Variants in KCND3 observed in about 807,000 individuals in gnomAD.
KCND3 encodes potassium voltage-gated channel subfamily D member 3.
Under a neutral mutation model 51.1 loss-of-function variants are expected in KCND3, and 9 were observed. The ratio of observed to expected loss-of-function variants is 0.18; its 90% CI spans 0.11 to 0.31. The LOEUF (loss-of-function observed/expected upper bound fraction) is 0.31. Among genes scored for constraint, KCND3 ranks in the 10% least tolerant of loss-of-function variants. KCND3 has a pLI of 1.00. For synonymous variants in KCND3, 349 were observed against 368.0 expected (o/e 0.95, Z 0.59); for missense variants, 526 against 903.8 (o/e 0.58, Z 5.36).
rs1375366384 is a variant in KCND3, at chr1:111,770,674, T to C, written c.*5403A>G. The C allele has an allele frequency of 1.3e-5, 2 of 152,228 alleles. No homozygotes were observed. Among genetic ancestry groups the C allele is most frequent in the Admixed American group, 1.3e-4 (2 of 15,280 alleles). 9.4% of individuals were successfully genotyped at this position (152,228 alleles called of 1,614,324 possible). A position where few individuals can be genotyped will look rare whatever the true frequency, so the allele number is the denominator to read the frequency against. On this transcript the variant is annotated 3_prime_UTR_variant, in exon 8 of 8. Coordinates refer to ENST00000302127, the MANE Select transcript of KCND3 (RefSeq NM_001378969.1). ...AAAGAAACAGTCATTTTAGGGTTTGTGGCACATAATTTGTTTAATCCAGAT... is the reference window on the plus strand; with the variant it reads ...AAAGAAACAGTCATTTTAGGGTTTGCGGCACATAATTTGTTTAATCCAGAT...
chr1:111,796,383 A>G (rs1300411530), intron 2 of KCND3, among the ~76,000 whole-genome samples: 5 of 148,468 alleles, frequency 3.4e-5, no homozygotes, highest in African/African-American at 1.3e-4. Flanking sequence ...CTAAATGCCT[A>G]TCAATGGTAG....
At chr1:111,978,724 C>T (rs1203897178) in intron 2 of KCND3, among the ~76,000 whole-genome samples, 1 of 152,196 alleles carries the variant, frequency 6.6e-6, no homozygotes, top group African/African-American at 2.4e-5. Flanking sequence ...GAGGGGGCTG[C>T]AGGCTGTGCA....
At chr1:111,810,351 C>G (rs1665792197) in intron 2 of KCND3, among the ~76,000 whole-genome samples, 1 of 152,180 alleles carries the variant, frequency 6.6e-6, no homozygotes, top group African/African-American at 2.4e-5. Context: ...GACCGAATAC[C>G]TTGAGAGGAG....
At chr1:111,900,991 T>G (rs1468447341) in intron 2 of KCND3, among the ~76,000 whole-genome samples, 1 of 152,040 alleles carries the variant, frequency 6.6e-6, no homozygotes, top group Non-Finnish European at 1.5e-5. Flanking sequence ...CAAAAACTGG[T>G]TGAATGAATA....
chr1:111,969,544 C>A (rs1343865920), intron 2 of KCND3, among the ~76,000 whole-genome samples: 1 of 152,144 alleles, frequency 6.6e-6, no homozygotes, highest in African/African-American at 2.4e-5. Flanking sequence ...TCCTCAGCTA[C>A]AAAACACAGA....
intron 2 of KCND3, among the ~76,000 whole-genome samples, chr1:111,956,065 A>T (rs1673323773): frequency 6.6e-6 from 1 of 152,126 alleles, no homozygotes; most frequent in Admixed American, 6.5e-5. Flanking sequence ...CAGATGAGGA[A>T]ACTGAAGCTT....
chr1:111,804,791 G>C (rs1335614191), intron 2 of KCND3, among the ~76,000 whole-genome samples: 1 of 152,262 alleles, frequency 6.6e-6, no homozygotes, highest in Non-Finnish European at 1.5e-5. Context: ...AAGGCTTGAA[G>C]AGGTTAAATA....
At chr1:111,873,103 G>A (rs1278138082) in intron 2 of KCND3, among the ~76,000 whole-genome samples, 8 of 152,208 alleles carry the variant, frequency 5.3e-5, no homozygotes, top group African/African-American at 1.2e-4. Flanking sequence ...CCCAGTGTCC[G>A]AAGAAGCTTC....
chr1:111,972,330 G>A (rs567269874), intron 2 of KCND3, among the ~76,000 whole-genome samples: 42 of 151,474 alleles, frequency 2.8e-4, no homozygotes, highest in South Asian at 1.0e-3. Context: ...CCGCCACTAC[G>A]CCCGGCTAAT....
chr1:111,898,438 T>A (rs533505414), intron 2 of KCND3, among the ~76,000 whole-genome samples: 3 of 152,232 alleles, frequency 2.0e-5, no homozygotes, highest in African/African-American at 7.2e-5. Flanking sequence ...GATCATCGCT[T>A]GACATTGACT....
At chr1:111,934,550 C>G (rs1672127790) in intron 2 of KCND3, among the ~76,000 whole-genome samples, 1 of 152,160 alleles carries the variant, frequency 6.6e-6, no homozygotes, top group African/African-American at 2.4e-5. Flanking sequence ...AGACCAGCGC[C>G]CCGCCAGACT....
At chr1:111,849,283 G>T (rs1667702567) in intron 2 of KCND3, among the ~76,000 whole-genome samples, 1 of 152,228 alleles carries the variant, frequency 6.6e-6, no homozygotes, top group Non-Finnish European at 1.5e-5. Flanking sequence ...GACAGAGGCT[G>T]TGACCTGGCC....
intron 2 of KCND3, among the ~76,000 whole-genome samples, chr1:111,816,235 G>A (rs1666084883): frequency 6.6e-6 from 1 of 152,222 alleles, no homozygotes; most frequent in South Asian, 2.1e-4. Context: ...GAGCACTGGA[G>A]CCTCTCACTC....
intron 2 of KCND3, among the ~76,000 whole-genome samples, chr1:111,892,793 T>A (rs899842352): frequency 6.6e-5 from 10 of 152,252 alleles, no homozygotes; most frequent in Admixed American, 5.9e-4. Context: ...TGAGACTGAA[T>A]GATAACTATC....
rs1042118767 is a variant in KCND3, at chr1:111,774,773, G to A, written c.*1304C>T. 4 of 152,170 alleles carry A rather than the reference G, an allele frequency of 2.6e-5. No individual in the cohort carries two copies. Among genetic ancestry groups the A allele is most frequent in the African/African-American group, 7.2e-5 (3 of 41,410 alleles). 9.4% of individuals were successfully genotyped at this position (152,170 alleles called of 1,614,324 possible). ...GCCTCTGGTTTGATATAAGTCAGAG[G>A]AATCTTGGTCCCCGTACCACTGCCC... On this transcript the variant is annotated 3_prime_UTR_variant, in exon 8 of 8. Coordinates refer to ENST00000302127, the MANE Select transcript of KCND3 (RefSeq NM_001378969.1).
Position 111,780,703 on chromosome 1 carries a change from G to A in KCND3, c.1358C>T (p.Ala453Val), listed in dbSNP as rs751734810. Reference sequence around the variant, plus strand: ...CTAGGCACCTACCGTCAGCTCCAGCGCCTCGTTGAGGAGCCCGTTGCGCTT... The same window carrying A: ...CTAGGCACCTACCGTCAGCTCCAGCACCTCGTTGAGGAGCCCGTTGCGCTT... ...HSKRNGLLNE[A>V]LELTGTPEEE... The change falls in exon 4 of 8, where the codon GCG becomes GTG. Residue 453 changes from alanine (A) to valine (V), a missense_variant. Coordinates refer to ENST00000302127, the MANE Select transcript of KCND3 (RefSeq NM_001378969.1). This position sits in a 1 kb window ranked among gnomAD's most constrained non-coding sequence, Gnocchi z 4.2. 1.1e-5 allele frequency: 17 copies of A among 1,610,290 alleles called. No individual in the cohort carries two copies. Among genetic ancestry groups the A allele is most frequent in the Non-Finnish European group, 1.4e-5 (16 of 1,178,402 alleles).
rs1674971778 is a variant in KCND3, at chr1:111,981,980, G to A, written c.747C>T (p.Pro249=). 1 of 1,614,044 alleles carries A rather than the reference G, an allele frequency of 6.2e-7. No homozygotes were observed. Among genetic ancestry groups the A allele is most frequent in the Non-Finnish European group, 8.5e-7 (1 of 1,180,016 alleles). The change falls in exon 2 of 8, where the codon CCC becomes CCT. Residue 249 remains proline, a synonymous_variant. Transcript: ENST00000302127. The surrounding 1 kb of genome is among the most constrained non-coding windows in gnomAD (Gnocchi z 6.2). ...CGCTGCGGATGAAGCGGTAGCGGCT[G>A]GGAGCCGCGAAGAGCCGCAGGAGGT... ...VEYLLRLFAA[P]SRYRFIRSVM...
At chr1:111,864,907 T>C (rs191034328) in intron 2 of KCND3, among the ~76,000 whole-genome samples, 1 of 151,792 alleles carries the variant, frequency 6.6e-6, no homozygotes, top group Admixed American at 6.6e-5. Context: ...AGGAGACAAA[T>C]ATGGTCAGAG....
chr1:111,876,101 C>T (rs1016915127), intron 2 of KCND3, among the ~76,000 whole-genome samples: 4 of 152,170 alleles, frequency 2.6e-5, no homozygotes, highest in African/African-American at 9.7e-5. Context: ...TGTCCATTTC[C>T]TCCTTAGGTC....
Sources: allele counts gnomAD v4.1 joint callset (sites outside exome capture counted in the v4.1 genomes callset), GRCh38; gene constraint gnomAD v4.1.1; non-coding constraint Gnocchi (gnomAD v3.1); transcripts MANE v1.5; gene names NCBI Gene and HGNC (gene_info 2026-07-23, HGNC 2026-07-21).